SGMS1: variants seen among roughly 807,000 people sequenced by gnomAD.
SGMS1 encodes the protein phosphatidylcholine:ceramide cholinephosphotransferase 1.
A neutral mutation model predicts 46.2 loss-of-function variants in SGMS1; 13 were observed. That is an observed-to-expected ratio of 0.28 (90% CI 0.18 to 0.45). The LOEUF is 0.45. Among genes scored for constraint, SGMS1 ranks in the 20% least tolerant of loss-of-function variants. The pLI, the probability that SGMS1 is intolerant of heterozygous loss-of-function variation, is 1.00. For synonymous variants in SGMS1, 203 were observed against 187.8 expected, an observed-to-expected ratio of 1.08 and a Z score of -0.66; for missense variants, 324 against 519.9, an observed-to-expected ratio of 0.62 and a Z score of 3.66.
chr10:50,514,414 G>C (rs1486002156), intron 3 of SGMS1, among the ~76,000 whole-genome samples: 1 of 152,148 alleles, frequency 6.6e-6, no homozygotes, highest in Non-Finnish European at 1.5e-5. Flanking sequence ...TTTGCAGCTA[G>C]GAGTGGCTAC....
intron 2 of SGMS1, among the ~76,000 whole-genome samples, chr10:50,527,248 A>G (rs969251278): frequency 5.3e-5 from 8 of 152,188 alleles, no homozygotes; most frequent in Non-Finnish European, 1.2e-4. Flanking sequence ...TGCAGCCCAT[A>G]GCATTGCTCA....
intron 3 of SGMS1, among the ~76,000 whole-genome samples, chr10:50,510,007 T>A (rs568031408): frequency 2.0e-5 from 3 of 152,204 alleles, no homozygotes; most frequent in Non-Finnish European, 4.4e-5. Context: ...AATCAAGATA[T>A]AGAACATTTC....
At chr10:50,484,203 T>C (rs1003669994) in intron 3 of SGMS1, among the ~76,000 whole-genome samples, 2 of 151,828 alleles carry the variant, frequency 1.3e-5, no homozygotes, top group African/African-American at 4.8e-5. Flanking sequence ...TAAAAAATGA[T>C]AAAGGGAATA....
intron 2 of SGMS1, among the ~76,000 whole-genome samples, chr10:50,531,184 C>A (rs542098507): frequency 6.6e-6 from 1 of 152,314 alleles, no homozygotes; most frequent in East Asian, 1.9e-4. Context: ...AGTGCCACCA[C>A]CTGATTGATC....
intron 6 of SGMS1, among the ~76,000 whole-genome samples, chr10:50,356,280 C>G (rs911869140): frequency 2.0e-5 from 3 of 152,220 alleles, no homozygotes; most frequent in African/African-American, 7.2e-5. Context: ...CTCTCTGAAA[C>G]ATGTGCTGTG....
intron 5 of SGMS1, among the ~76,000 whole-genome samples, chr10:50,456,899 C>T (rs943580627): frequency 6.6e-6 from 1 of 152,218 alleles, no homozygotes; most frequent in African/African-American, 2.4e-5. Flanking sequence ...TCCCATGCTA[C>T]AGTCATGCAC....
chr10:50,555,826 T>C (rs2133838584), intron 2 of SGMS1, among the ~76,000 whole-genome samples: 1 of 152,364 alleles, frequency 6.6e-6, no homozygotes, highest in Admixed American at 6.5e-5. Context: ...CTTAGAGCCT[T>C]TGAGAAACTA....
intron 5 of SGMS1, among the ~76,000 whole-genome samples, chr10:50,437,960 T>C (rs377094011): frequency 5.9e-5 from 9 of 152,178 alleles, no homozygotes; most frequent in African/African-American, 2.2e-4. Flanking sequence ...GGTTTCCTGC[T>C]ACCTTTTCAT....
chr10:50,334,949 T>C (rs2133335229), intron 7 of SGMS1: 1 of 152,334 alleles, frequency 6.6e-6, no homozygotes, highest in African/African-American at 2.4e-5. Flanking sequence ...GGAGGTTATC[T>C]GTGGGAGAAA....
At chr10:50,411,869 C>T (rs1039354955) in intron 6 of SGMS1, among the ~76,000 whole-genome samples, 2 of 152,202 alleles carry the variant, frequency 1.3e-5, no homozygotes, top group African/African-American at 2.4e-5. Context: ...GAGTCTGGAA[C>T]ACCACCGTCT....
chr10:50,358,992 C>T (rs1249391468), intron 6 of SGMS1, among the ~76,000 whole-genome samples: 3 of 152,136 alleles, frequency 2.0e-5, no homozygotes, highest in Non-Finnish European at 4.4e-5. Flanking sequence ...ACTTTTGATG[C>T]CTTAACCTTT....
intron 9 of SGMS1, among the ~76,000 whole-genome samples, chr10:50,310,046 C>G (rs539038953): frequency 2.8e-4 from 43 of 152,280 alleles, no homozygotes; most frequent in Admixed American, 4.6e-4. Context: ...ATGACACTGC[C>G]CCACTGGTTA....
rs1359347903 is a variant in SGMS1 at position 50,556,338 on chromosome 10, A to C, written c.-589+33815T>G. 2.6e-5 allele frequency among the ~76,000 whole-genome samples: 4 copies of C among 152,204 alleles called. No individual in the cohort carries two copies. In the East Asian group the frequency reaches 7.7e-4, roughly 29 times the overall value. On this transcript the variant is annotated intron_variant, in intron 2 of 10. Coordinates refer to ENST00000361781, the MANE Select transcript of SGMS1 (RefSeq NM_147156.4). ...CCCACAGTAGTGTCAGACAAGTGCT[A>C]AGTGCCATGGAGGAAACAGAAAGCA...
At chr10:50,528,489 G>A (rs1837924412) in intron 2 of SGMS1, among the ~76,000 whole-genome samples, 1 of 152,232 alleles carries the variant, frequency 6.6e-6, no homozygotes, top group African/African-American at 2.4e-5. Context: ...AGACTTACCA[G>A]TGAGGCAGTC....
chr10:50,538,849 G>C (rs891734722), intron 2 of SGMS1, among the ~76,000 whole-genome samples: 2 of 152,216 alleles, frequency 1.3e-5, no homozygotes, highest in African/African-American at 4.8e-5. Context: ...AAGAACAGGA[G>C]ATGGAGACTT....
At chr10:50,580,428 C>A (rs1564436781) in intron 2 of SGMS1, among the ~76,000 whole-genome samples, 1 of 151,580 alleles carries the variant, frequency 6.6e-6, no homozygotes, top group South Asian at 2.1e-4. Flanking sequence ...TTAGGGACCC[C>A]CCCCCAAACC....
chr10:50,432,643 G>GACACA (rs1489835001), intron 6 of SGMS1, among the ~76,000 whole-genome samples: 1 of 152,188 alleles, frequency 6.6e-6, no homozygotes, highest in Non-Finnish European at 1.5e-5. Context: ...AAGGCCTATA[G>GACACA]ATTATAAATC....
At chr10:50,499,839 A>C (rs1448189949) in intron 3 of SGMS1, among the ~76,000 whole-genome samples, 1 of 152,242 alleles carries the variant, frequency 6.6e-6, no homozygotes, top group Non-Finnish European at 1.5e-5. Context: ...TTTTAAACGT[A>C]TGGCTTAGGC....
chr10:50,456,007 C>T (rs1837186644), intron 5 of SGMS1, among the ~76,000 whole-genome samples: 1 of 152,144 alleles, frequency 6.6e-6, no homozygotes, highest in Non-Finnish European at 1.5e-5. Flanking sequence ...ATGGGAAGTC[C>T]AACCAGAGGA....
Sources: allele counts gnomAD v4.1 joint callset (sites outside exome capture counted in the v4.1 genomes callset), GRCh38; gene constraint gnomAD v4.1.1; transcripts MANE v1.5; gene names NCBI Gene and HGNC (gene_info 2026-07-23, HGNC 2026-07-21).